The following ADAMTS12 variants were observed in gnomAD, a reference collection of about 807,000 sequenced individuals.
ADAMTS12 encodes the protein A disintegrin and metalloproteinase with thrombospondin motifs 12.
A neutral mutation model predicts 167.8 loss-of-function variants in ADAMTS12; 118 were observed. That is an observed-to-expected ratio of 0.70 (90% CI 0.61 to 0.82). The LOEUF (loss-of-function observed/expected upper bound fraction) is 0.82, where lower values mean the gene tolerates loss of function less well. Among genes scored for constraint, ADAMTS12 ranks in the 40% least tolerant of loss-of-function variants. The pLI is 0.00. For missense variants in ADAMTS12, 1,916 were observed against 1,998.8 expected, an observed-to-expected ratio of 0.96 and a Z score of 0.79; for synonymous variants, 704 against 716.9, an observed-to-expected ratio of 0.98 and a Z score of 0.29.
chr5:33,723,380 C>T (rs1398842349), intron 3 of ADAMTS12, among the ~76,000 whole-genome samples: 1 of 152,062 alleles, frequency 6.6e-6, no homozygotes, highest in African/African-American at 2.4e-5. Flanking sequence ...CCTTTTGACC[C>T]CAAACACCTC....
chr5:33,740,674 C>G (rs1561245825), intron 3 of ADAMTS12, among the ~76,000 whole-genome samples: 1 of 152,200 alleles, frequency 6.6e-6, no homozygotes, highest in Non-Finnish European at 1.5e-5. Flanking sequence ...AGGCTCCTAC[C>G]AGGGGCATAG....
At chr5:33,672,467 T>C (rs1402211318) in intron 5 of ADAMTS12, among the ~76,000 whole-genome samples, 1 of 152,154 alleles carries the variant, frequency 6.6e-6, no homozygotes, top group Admixed American at 6.5e-5. Flanking sequence ...TATAAAAGCT[T>C]ATTAGAGTTG....
intron 13 of ADAMTS12, among the ~76,000 whole-genome samples, chr5:33,626,120 C>T (rs774614400): frequency 3.3e-5 from 5 of 152,168 alleles, no homozygotes; most frequent in Non-Finnish European, 7.3e-5. Context: ...AAAAAAATCA[C>T]TTTGATTTCC....
intron 3 of ADAMTS12, among the ~76,000 whole-genome samples, chr5:33,696,249 G>T (rs912676414): frequency 1.3e-5 from 2 of 151,554 alleles, no homozygotes; most frequent in African/African-American, 4.9e-5. Context: ...GTGAAACCCC[G>T]TCTCTACTAA....
At chr5:33,746,113 G>A (rs1382977774) in intron 3 of ADAMTS12, among the ~76,000 whole-genome samples, 3 of 152,178 alleles carry the variant, frequency 2.0e-5, no homozygotes, top group Non-Finnish European at 4.4e-5. Flanking sequence ...ACAAACTACT[G>A]TGAAGCCACC....
chr5:33,622,976 T>A (rs1237392421), intron 14 of ADAMTS12, among the ~76,000 whole-genome samples: 1 of 152,168 alleles, frequency 6.6e-6, no homozygotes, highest in African/African-American at 2.4e-5. Flanking sequence ...CAACTTAAGC[T>A]TAGTAATCCA....
intron 19 of ADAMTS12, among the ~76,000 whole-genome samples, chr5:33,565,403 C>T (rs1745962624): frequency 1.3e-5 from 2 of 152,226 alleles, no homozygotes; most frequent in South Asian, 4.1e-4. Context: ...CCACCTGCCT[C>T]AGCCTCCCAG....
In ADAMTS12 at chr5:33,873,205, CA is replaced by C. The variant is rs536032418; in HGVS notation, c.489+7913del. On this transcript the variant is annotated intron_variant, in intron 2 of 23. Transcript: ENST00000504830. ...AAAAACACTCCTGAAACAATTGTAG[CA>C]AGTGATTGTACCCAGCCTTGAAGGA... Among the ~76,000 whole-genome samples the C allele has an allele frequency of 3.4e-5, 5 of 146,236 alleles. No homozygotes were observed. The South Asian group carries it at 1.1e-3, about 32-fold the overall frequency.
intron 3 of ADAMTS12, among the ~76,000 whole-genome samples, chr5:33,719,558 G>T (rs1311662373): frequency 6.6e-6 from 1 of 152,206 alleles, no homozygotes; most frequent in Non-Finnish European, 1.5e-5. Context: ...TGATCGAGTG[G>T]CTCAGCTGTC....
chr5:33,534,692 T>C (rs1402647396), intron 23 of ADAMTS12, 141 bp downstream of exon 23: 32 of 1,115,606 alleles, frequency 2.9e-5, no homozygotes, highest in Non-Finnish European at 4.0e-5. Flanking sequence ...AGATAGTTTG[T>C]TCCCAGGGTT....
intron 2 of ADAMTS12, among the ~76,000 whole-genome samples, chr5:33,778,857 G>A (rs933096859): frequency 3.3e-5 from 5 of 151,976 alleles, no homozygotes; most frequent in Non-Finnish European, 7.4e-5. Flanking sequence ...AATGGGCAAA[G>A]AACCTAAATA....
chr5:33,540,951 C>A (rs571424780), intron 22 of ADAMTS12, among the ~76,000 whole-genome samples: 1 of 152,312 alleles, frequency 6.6e-6, no homozygotes, highest in Non-Finnish European at 1.5e-5. Context: ...TAGCTCCTCA[C>A]CAGCACTGGA....
chr5:33,597,518 T>A (rs753509461), intron 16 of ADAMTS12, among the ~76,000 whole-genome samples: 112 of 152,212 alleles, frequency 7.4e-4, no homozygotes, highest in African/African-American at 2.6e-3. Flanking sequence ...GTCACACAGC[T>A]CGCAGGACTG....
intron 17 of ADAMTS12, among the ~76,000 whole-genome samples, chr5:33,594,713 G>A (rs1006047774): frequency 4.6e-5 from 7 of 152,162 alleles, no homozygotes; most frequent in African/African-American, 1.7e-4. Flanking sequence ...TTCAATAGTG[G>A]TGGGGTCCAG....
Position 33,790,446 on chromosome 5 carries a change from G to A in ADAMTS12, c.490-38898C>T, listed in dbSNP as rs529886831. The stretch of plus-strand genomic sequence containing the variant: ...CGCATGCCTGTAGTCCCAGCTATTC[G>A]GAAGGCTGAGGCAGAAGAATCGCTT... On this transcript the variant is annotated intron_variant, in intron 2 of 23. Coordinates refer to ENST00000504830, the MANE Select transcript of ADAMTS12 (RefSeq NM_030955.4). Among the ~76,000 whole-genome samples, 12 of 151,914 alleles carry A rather than the reference G, an allele frequency of 7.9e-5. No individual in the cohort carries two copies. In the South Asian group the frequency reaches 1.5e-3, roughly 18 times the overall value.
chr5:33,641,194 A>G (rs768013809), intron 11 of ADAMTS12, among the ~76,000 whole-genome samples: 1 of 152,162 alleles, frequency 6.6e-6, no homozygotes, highest in Non-Finnish European at 1.5e-5. Context: ...ATATTATCAT[A>G]CAAATAGAAT....
At chr5:33,878,892 T>G (rs1281447289) in intron 2 of ADAMTS12, among the ~76,000 whole-genome samples, 3 of 152,184 alleles carry the variant, frequency 2.0e-5, no homozygotes, top group Non-Finnish European at 4.4e-5. Flanking sequence ...CAACGACTAC[T>G]CTAGTCCAGG....
At chr5:33,743,910 G>A (rs1361479128) in intron 3 of ADAMTS12, among the ~76,000 whole-genome samples, 2 of 152,166 alleles carry the variant, frequency 1.3e-5, no homozygotes, top group African/African-American at 4.8e-5. Context: ...GAGGTAAGTT[G>A]CAACTACTGC....
chr5:33,575,973 T>A, intron 19 of ADAMTS12, 81 bp downstream of exon 19: 1 of 1,518,422 alleles, frequency 6.6e-7, no homozygotes, highest in Non-Finnish European at 8.8e-7. Flanking sequence ...TAATGCAAAC[T>A]CATTTTGAAA....
Sources: allele counts gnomAD v4.1 joint callset (sites outside exome capture counted in the v4.1 genomes callset), GRCh38; gene constraint gnomAD v4.1.1; transcripts MANE v1.5; gene names NCBI Gene and HGNC (gene_info 2026-07-23, HGNC 2026-07-21).